GLRA1: variants seen among roughly 807,000 people sequenced by gnomAD.
GLRA1 encodes the protein glycine receptor alpha 1.
A neutral mutation model predicts 48.3 loss-of-function variants in GLRA1; 37 were observed. That is an observed-to-expected ratio of 0.77 (90% confidence interval 0.59 to 1.01). The LOEUF (loss-of-function observed/expected upper bound fraction) is 1.01. Ranked by LOEUF, GLRA1 falls within the 50% of genes least tolerant of loss-of-function variation. GLRA1 has a pLI of 0.00. For missense variants in GLRA1, 427 were observed against 571.0 expected (o/e 0.75, Z 2.57); for synonymous variants, 196 against 210.7 (o/e 0.93, Z 0.60).
chr5:151,889,829 G>C (rs1007985747), intron 2 of GLRA1, among the ~76,000 whole-genome samples: 1 of 152,224 alleles, frequency 6.6e-6, no homozygotes, highest in East Asian at 1.9e-4. Context: ...AATTTTTCAG[G>C]CCTCAGTACA....
intron 1 of GLRA1, among the ~76,000 whole-genome samples, chr5:151,909,740 G>A (rs1381805872): frequency 3.3e-5 from 5 of 152,156 alleles, no homozygotes; most frequent in Non-Finnish European, 7.3e-5. Flanking sequence ...TGATTTTAGG[G>A]AAAGTTGTCA....
chr5:151,876,830 A>G (rs188981763), intron 3 of GLRA1, among the ~76,000 whole-genome samples: 4 of 152,268 alleles, frequency 2.6e-5, no homozygotes, highest in African/African-American at 9.6e-5. Context: ...ATATTTGAAG[A>G]TGGAGTCTTT....
At chr5:151,856,818 G>A (rs370643659) in intron 4 of GLRA1, among the ~76,000 whole-genome samples, 10 of 152,098 alleles carry the variant, frequency 6.6e-5, no homozygotes, top group African/African-American at 1.9e-4. Context: ...CACCATGCCC[G>A]GCCGTGACAT....
At chr5:151,857,188 A>T (rs148127728) in intron 4 of GLRA1, among the ~76,000 whole-genome samples, 1 of 152,262 alleles carries the variant, frequency 6.6e-6, no homozygotes, top group African/African-American at 2.4e-5. Flanking sequence ...CCCAGCCTAG[A>T]CAAAGCCCCC....
At chr5:151,911,698 C>T (rs1238402603) in intron 1 of GLRA1, among the ~76,000 whole-genome samples, 13 of 151,106 alleles carry the variant, frequency 8.6e-5, no homozygotes, top group East Asian at 3.9e-4. Flanking sequence ...CTCCACCTCC[C>T]GGGTTCACGC....
chr5:151,855,276 C>A, intron 5 of GLRA1, 99 bp from the exon 6 acceptor site: 1 of 1,186,832 alleles, frequency 8.4e-7, no homozygotes, highest in Non-Finnish European at 1.3e-6. Flanking sequence ...AGACATCAGA[C>A]ACTTGATGGA....
Position 151,924,782 on chromosome 5 carries a change from G to C in GLRA1, c.-233C>G. 1 of 606,034 alleles carries C rather than the reference G, an allele frequency of 1.7e-6. No homozygotes were observed. 37.5% of individuals were successfully genotyped at this position (606,034 alleles called of 1,614,324 possible). ...AGCACCACGGAGAGCGTCCAGACCTGCTTTTCAGGAGCGCGAAGAGTATTG... is the reference window on the plus strand; with the variant it reads ...AGCACCACGGAGAGCGTCCAGACCTCCTTTTCAGGAGCGCGAAGAGTATTG... On this transcript the variant is annotated 5_prime_UTR_variant, in exon 1 of 9. Coordinates refer to ENST00000274576, the MANE Select transcript of GLRA1 (RefSeq NM_000171.4).
At chr5:151,871,211 A>G (rs1396954113) in intron 3 of GLRA1, among the ~76,000 whole-genome samples, 2 of 149,366 alleles carry the variant, frequency 1.3e-5, no homozygotes, top group Admixed American at 6.6e-5. Context: ...GTGGCACCAT[A>G]TCTAATTGGA....
At chr5:151,887,719 C>T (rs965489061) in intron 2 of GLRA1, among the ~76,000 whole-genome samples, 52 of 152,262 alleles carry the variant, frequency 3.4e-4, no homozygotes, top group African/African-American at 9.6e-4. Context: ...GGCATGCTCA[C>T]GATCACACAG....
intron 3 of GLRA1, among the ~76,000 whole-genome samples, chr5:151,870,745 C>T (rs73794381): frequency 0.02 from 3,026 of 149,594 alleles, 453 homozygotes; most frequent in African/African-American, 0.074. Flanking sequence ...TGTGTGGTGA[C>T]GCAAGGATGG....
At chr5:151,835,512 G>T (rs1408313176) in intron 7 of GLRA1, among the ~76,000 whole-genome samples, 1 of 152,108 alleles carries the variant, frequency 6.6e-6, no homozygotes, top group Non-Finnish European at 1.5e-5. Flanking sequence ...AACAAAAAAA[G>T]AGAATTTCAG....
intron 7 of GLRA1, among the ~76,000 whole-genome samples, chr5:151,834,776 C>T (rs892012737): frequency 7.9e-5 from 12 of 151,890 alleles, no homozygotes; most frequent in African/African-American, 2.9e-4. Context: ...GCCTGTAATC[C>T]CAGCACTTTG....
At chr5:151,919,870 A>C (rs1428013204) in intron 1 of GLRA1, among the ~76,000 whole-genome samples, 1 of 152,248 alleles carries the variant, frequency 6.6e-6, no homozygotes, top group African/African-American at 2.4e-5. Context: ...TGTGCCATCC[A>C]TCTTAAAAAT....
chr5:151,855,956 G>T (rs1753030437), intron 5 of GLRA1, among the ~76,000 whole-genome samples: 1 of 152,164 alleles, frequency 6.6e-6, no homozygotes, highest in African/African-American at 2.4e-5. Context: ...AGAGTTATTT[G>T]TGCAGTCAGT....
intron 3 of GLRA1, among the ~76,000 whole-genome samples, chr5:151,870,360 G>A (rs1182085203): frequency 6.7e-6 from 1 of 149,676 alleles, no homozygotes; most frequent in African/African-American, 2.6e-5. Flanking sequence ...GCACAATGGT[G>A]AGACATGCCA....
chr5:151,823,594 TC>T (rs1345198608), intron 8 of GLRA1, among the ~76,000 whole-genome samples: 1 of 152,200 alleles, frequency 6.6e-6, no homozygotes, highest in African/African-American at 2.4e-5. Context: ...CACAGCTTCT[TC>T]CTGCCTCTAC....
chr5:151,856,132 T>C (rs1351619030), intron 5 of GLRA1, among the ~76,000 whole-genome samples, 169 bp downstream of exon 5: 1 of 152,256 alleles, frequency 6.6e-6, no homozygotes. Flanking sequence ...TAAGGGAAGT[T>C]ATATTTCTAA....
chr5:151,903,945 C>T (rs893427332), intron 1 of GLRA1, among the ~76,000 whole-genome samples: 26 of 152,136 alleles, frequency 1.7e-4, no homozygotes, highest in Admixed American at 3.9e-4. Context: ...GAAATTTTGG[C>T]GCAAGTTTTG....
intron 1 of GLRA1, among the ~76,000 whole-genome samples, chr5:151,895,319 C>T (rs1036181744): frequency 2.0e-5 from 3 of 151,990 alleles, no homozygotes; most frequent in African/African-American, 7.3e-5. Context: ...TAAAATGCTT[C>T]TGTAGATGTA....
Sources: gnomAD v4.1 joint callset for allele counts (sites outside exome capture counted in the v4.1 genomes callset) on GRCh38, gnomAD v4.1.1 for gene constraint, MANE v1.5 for transcripts, NCBI Gene and HGNC (gene_info 2026-07-23, HGNC 2026-07-21) for gene names.